Variants in FOCAD observed in about 807,000 individuals in gnomAD.
FOCAD encodes KIAA1797.
FOCAD carries 198 observed loss-of-function variants against 225.6 expected under a neutral mutation model. The ratio of observed to expected loss-of-function variants is 0.88; its 90% CI spans 0.78 to 0.99. The LOEUF is 0.99. Ranked by LOEUF, FOCAD falls within the 50% of genes least tolerant of loss-of-function variation. The pLI, the probability that FOCAD is intolerant of heterozygous loss-of-function variation, is 0.00. For missense variants in FOCAD, 2,713 were observed against 2,123.6 expected, an observed-to-expected ratio of 1.28 and a Z score of -5.46; for synonymous variants, 897 against 755.0, an observed-to-expected ratio of 1.19 and a Z score of -3.08.
In FOCAD at chr9:20,912,890, C is replaced by T. The variant is rs1437645157; in HGVS notation, c.2743C>T (p.Gln915Ter). Reference sequence around the variant, plus strand: ...GGGAAGACTAGGAGAGCTGGAGTTGCAGTTAAAACATGGAAAAGAAGAACC... The same window carrying T: ...GGGAAGACTAGGAGAGCTGGAGTTGTAGTTAAAACATGGAAAAGAAGAACC... ...LQGRLGELEL[Q>*]LKHGKEEPEE... The change falls in exon 23 of 44, where the codon CAG becomes TAG. Residue 915 changes from glutamine (Q) to a stop codon, truncating the protein, a stop_gained. Transcript: ENST00000338382. LOFTEE classifies it high-confidence loss of function. 1 of 1,613,168 alleles carries T rather than the reference C, an allele frequency of 6.2e-7. No homozygotes were observed. The highest frequency in any genetic ancestry group is 8.5e-7 in the Non-Finnish European group (1 of 1,179,508).
intron 1 of FOCAD, among the ~76,000 whole-genome samples, chr9:20,703,206 G>T (rs1406738965): frequency 6.6e-6 from 1 of 152,110 alleles, no homozygotes; most frequent in East Asian, 1.9e-4. Flanking sequence ...GATAGGGAAG[G>T]TTCGAGGGAA....
chr9:20,835,287 A>T (rs943124504), intron 15 of FOCAD, among the ~76,000 whole-genome samples: 1 of 152,044 alleles, frequency 6.6e-6, no homozygotes, highest in African/African-American at 2.4e-5. Context: ...TGTAGGTGAT[A>T]TTTACTAATG....
intron 18 of FOCAD, among the ~76,000 whole-genome samples, chr9:20,870,927 G>C (rs1387580688): frequency 6.6e-6 from 1 of 152,168 alleles, no homozygotes; most frequent in Non-Finnish European, 1.5e-5. Context: ...TATCAGCTGA[G>C]TGTGGTGGCT....
At chr9:20,743,566 A>G (rs569847114) in intron 5 of FOCAD, among the ~76,000 whole-genome samples, 1 of 152,308 alleles carries the variant, frequency 6.6e-6, no homozygotes, top group East Asian at 1.9e-4. Context: ...AATTTTATGA[A>G]GGAGCTGTAG....
intron 9 of FOCAD, among the ~76,000 whole-genome samples, chr9:20,780,870 A>G (rs1163235958): frequency 6.6e-6 from 1 of 152,216 alleles, no homozygotes; most frequent in Non-Finnish European, 1.5e-5. Context: ...TGTTAGAGTA[A>G]CAGGTGTTTG....
In FOCAD at chr9:20,974,332, TG is replaced by T. The variant is rs532099206; in HGVS notation, c.4133-2087del. On this transcript the variant is annotated intron_variant, in intron 35 of 43. Coordinates refer to ENST00000338382, the MANE Select transcript of FOCAD (RefSeq NM_001375567.1). ...TGGCCTCTGCTTCTCCTTTGTCCTA[TG>T]TTTGTCCTTTCTGTAGCTGTTTTTT... is the stretch of plus-strand genomic sequence containing the variant. Among the ~76,000 whole-genome samples, 240 of 126,378 alleles carry T rather than the reference TG, an allele frequency of 1.9e-3. 1 individual carries two copies. Among genetic ancestry groups the T allele is most frequent in the Non-Finnish European group, 3.4e-3 (207 of 60,752 alleles). 82.9% of individuals were successfully genotyped at this position (126,378 alleles called of 152,430 possible). A position where few individuals can be genotyped will look rare whatever the true frequency, so the allele number is the denominator to read the frequency against.
chr9:20,832,898 C>A (rs1316661050), intron 15 of FOCAD, among the ~76,000 whole-genome samples: 2 of 152,004 alleles, frequency 1.3e-5, no homozygotes, highest in African/African-American at 4.8e-5. Context: ...GTGAATAATG[C>A]TTTAATAAAC....
At chr9:20,664,563 C>T (rs1203251029) in intron 2 of FOCAD, among the ~76,000 whole-genome samples, 2 of 151,202 alleles carry the variant, frequency 1.3e-5, no homozygotes, top group East Asian at 3.9e-4. Context: ...AGATAAATCC[C>T]ATAAAGAAGG....
At chr9:20,912,833 T>G (rs750181306) in intron 22 of FOCAD, 33 bp from the exon 23 acceptor site, 3 of 1,560,354 alleles carry the variant, frequency 1.9e-6, no homozygotes, top group Non-Finnish European at 2.7e-6. Context: ...AGCCATCGAG[T>G]TCACATGCTG....
At chr9:20,740,161 A>C in intron 4 of FOCAD, 75 bp from the exon 5 acceptor site, 1 of 950,846 alleles carries the variant, frequency 1.1e-6, no homozygotes, top group Non-Finnish European at 1.6e-6. Context: ...ATTATTTTAA[A>C]ATGATAGGAT....
intron 11 of FOCAD, among the ~76,000 whole-genome samples, chr9:20,793,174 C>T (rs1431584154): frequency 6.6e-6 from 1 of 152,158 alleles, no homozygotes; most frequent in Non-Finnish European, 1.5e-5. Flanking sequence ...CTACTATTCC[C>T]TGGTAACCAT....
intron 28 of FOCAD, among the ~76,000 whole-genome samples, chr9:20,940,205 T>C (rs1836504331): frequency 6.6e-6 from 1 of 152,060 alleles, no homozygotes; most frequent in Non-Finnish European, 1.5e-5. Flanking sequence ...TCTCCAAACT[T>C]TTAGTTCTAC....
chr9:20,659,215 G>T (rs1385027381), intron 2 of FOCAD, among the ~76,000 whole-genome samples: 1 of 150,646 alleles, frequency 6.6e-6, no homozygotes, highest in Non-Finnish European at 1.5e-5. Flanking sequence ...GTGAGACTCT[G>T]CTCCCCTCCC....
intron 10 of FOCAD, chr9:20,787,077 G>GGCAA (rs1443458552): frequency 5.9e-6 from 2 of 337,990 alleles, no homozygotes; most frequent in Non-Finnish European, 1.2e-5. Context: ...TCTAACCTTA[G>GGCAA]GCAAACAAAC....
chr9:20,778,910 T>C (rs1015087036), intron 9 of FOCAD, 142 bp downstream of exon 9: 17 of 505,038 alleles, frequency 3.4e-5, no homozygotes, highest in African/African-American at 9.6e-5. Context: ...GAATTTTTTT[T>C]CTTGTCTAAT....
chr9:20,911,593 T>C (rs996681138), intron 22 of FOCAD, among the ~76,000 whole-genome samples: 1 of 152,190 alleles, frequency 6.6e-6, no homozygotes, highest in Non-Finnish European at 1.5e-5. Flanking sequence ...ACAACAAATC[T>C]AATAACGGTA....
chr9:20,901,192 ATGTGTGTGTGTGTG>A (rs71334562), intron 21 of FOCAD, among the ~76,000 whole-genome samples: 2 of 105,678 alleles, frequency 1.9e-5, no homozygotes, highest in Non-Finnish European at 2.1e-5. Context: ...TGTGGAAACA[ATGTGTGTGTGTGTG>A]TGTGTGTGTG....
intron 5 of FOCAD, among the ~76,000 whole-genome samples, chr9:20,748,003 C>T (rs1355985029): frequency 6.6e-6 from 1 of 151,814 alleles, no homozygotes; most frequent in Non-Finnish European, 1.5e-5. Flanking sequence ...AAAAAATCGA[C>T]GATCAGCTAT....
At chr9:20,976,571 T>G in intron 36 of FOCAD, 23 bp downstream of exon 36, 2 of 1,609,132 alleles carry the variant, frequency 1.2e-6, no homozygotes, top group Non-Finnish European at 1.7e-6. Flanking sequence ...TGTTTTTAAG[T>G]CTTCAGACTT....
Sources: gnomAD v4.1 joint callset for allele counts (sites outside exome capture counted in the v4.1 genomes callset) on GRCh38, gnomAD v4.1.1 for gene constraint, MANE v1.5 for transcripts, NCBI Gene and HGNC (gene_info 2026-07-23, HGNC 2026-07-21) for gene names.